Variants in WDR86 observed in about 807,000 individuals in gnomAD.
The protein encoded by WDR86 is WD repeat-containing protein 86.
A neutral mutation model predicts 36.5 loss-of-function variants in WDR86; 30 were observed. That is an observed-to-expected ratio of 0.82 (90% CI 0.61 to 1.11). The LOEUF is 1.11. Among genes scored for constraint, WDR86 ranks in the 50% most tolerant of loss-of-function variants. The pLI, the probability that WDR86 is intolerant of heterozygous loss-of-function variation, is 0.00. For missense variants in WDR86, 545 were observed against 561.2 expected (o/e 0.97, Z 0.29); for synonymous variants, 255 against 252.9 (o/e 1.01, Z -0.08).
At chr7:151,407,670 G>A (rs556454732) in intron 1 of WDR86, among the ~76,000 whole-genome samples, 19 of 152,156 alleles carry the variant, frequency 1.2e-4, no homozygotes, top group Admixed American at 9.8e-4. Flanking sequence ...GAAGCCCCAC[G>A]TCTAATAAAA....
At chr7:151,379,901 C>T (rs1051673030), downstream of WDR86, among the ~76,000 whole-genome samples, 5 of 152,198 alleles carry the variant, frequency 3.3e-5, no homozygotes, top group African/African-American at 1.2e-4. Flanking sequence ...AGGCTCAGGG[C>T]CGGCCGGCAG....
intron 3 of WDR86, 97 bp from the exon 4 acceptor site, chr7:151,385,320 A>G: frequency 6.4e-7 from 1 of 1,550,868 alleles, no homozygotes; most frequent in Non-Finnish European, 8.7e-7. Context: ...TGCAGGTCTC[A>G]GTGGTGAAAC....
intron 1 of WDR86, among the ~76,000 whole-genome samples, chr7:151,407,268 G>T (rs868269532): frequency 6.6e-6 from 1 of 152,210 alleles, no homozygotes; most frequent in African/African-American, 2.4e-5. Flanking sequence ...ACAAGCAGCC[G>T]TGAGGGTCAC....
intron 3 of WDR86, among the ~76,000 whole-genome samples, chr7:151,386,322 C>G (rs1798977759): frequency 6.6e-6 from 1 of 152,236 alleles, no homozygotes; most frequent in East Asian, 1.9e-4. Flanking sequence ...ACCCGGGCCA[C>G]AGCCCAGGTC....
chr7:151,381,910 G>A lies in WDR86; in HGVS notation c.934C>T (p.Arg312Trp). ...CAGTTGATGATGAATGTGTGGCCCC[G>A]GAACACCCTCCGCAGCTCTCCAGAC... ...AQSGELRRVF[R>W]GHTFIINCIQ... The change falls in exon 5 of 6, where the codon CGG becomes TGG. Residue 312 changes from arginine (R) to tryptophan (W), a missense_variant. Coordinates refer to ENST00000334493, the MANE Select transcript of WDR86 (RefSeq NM_198285.3). This position sits in a 1 kb window ranked among gnomAD's most constrained non-coding sequence, Gnocchi z 4.8. The A allele has an allele frequency of 6.2e-7, 1 of 1,610,400 alleles. No homozygotes were observed. Among genetic ancestry groups the A allele is most frequent in the Non-Finnish European group, 8.5e-7 (1 of 1,178,772 alleles).
In WDR86 at chr7:151,391,241, G is replaced by A. The variant is rs79541318; in HGVS notation, c.726+4535C>T. Among the ~76,000 whole-genome samples, 1,293 of 152,324 alleles carry A rather than the reference G, an allele frequency of 8.5e-3. 18 individuals carry two copies. The highest frequency in any genetic ancestry group is 0.03 in the African/African-American group (1,234 of 41,580). On this transcript the variant is annotated intron_variant, in intron 3 of 5. Transcript: ENST00000334493. ...CGGGGCCCAGCGAGGGCTAGGGGAC[G>A]CCATACCCAGAAGTCCTGCTTCCCG... is the stretch of plus-strand genomic sequence containing the variant.
At chr7:151,404,573 C>T (rs1800575662) in intron 1 of WDR86, among the ~76,000 whole-genome samples, 2 of 152,342 alleles carry the variant, frequency 1.3e-5, no homozygotes, top group African/African-American at 2.4e-5. Flanking sequence ...CCACCCCAAC[C>T]CCGAGGACCC....
chr7:151,376,986 G>GT (rs1563034317), downstream of WDR86: 1 of 1,445,904 alleles, frequency 6.9e-7, no homozygotes, highest in African/African-American at 1.4e-5. Context: ...GACTGTGGTC[G>GT]TGCAGTGTCC....
chr7:151,377,343 G>C (rs1584982306), downstream of WDR86: 1 of 685,454 alleles, frequency 1.5e-6, no homozygotes, highest in East Asian at 3.2e-5. Context: ...TTGGGTGTAG[G>C]AGGGGGTGGG....
At chr7:151,399,062 C>CT (rs1800096690) in intron 2 of WDR86, among the ~76,000 whole-genome samples, 1 of 152,202 alleles carries the variant, frequency 6.6e-6, no homozygotes, top group Admixed American at 6.5e-5. Flanking sequence ...GTCTCAGGGC[C>CT]TCACCTGCTT....
downstream of WDR86, chr7:151,376,541 A>T (rs1299025065): frequency 1.6e-6 from 2 of 1,255,188 alleles, no homozygotes; most frequent in Non-Finnish European, 2.2e-6. Context: ...GGGAGCTCTT[A>T]AACATGAGAG....
At chr7:151,387,727 C>T (rs1460881682) in intron 3 of WDR86, among the ~76,000 whole-genome samples, 1 of 152,186 alleles carries the variant, frequency 6.6e-6, no homozygotes, top group African/African-American at 2.4e-5. Context: ...GCCTGGCAGG[C>T]TCCAGAGCAG....
Position 151,409,988 on chromosome 7 carries a change from G to T in WDR86, c.-399C>A, listed in dbSNP as rs1486043009. 9.9e-7 allele frequency: 1 copy of T among 1,005,310 alleles called. No individual in the cohort carries two copies. Among genetic ancestry groups the T allele is most frequent in the Non-Finnish European group, 1.2e-6 (1 of 843,620 alleles). 62.3% of individuals were successfully genotyped at this position (1,005,310 alleles called of 1,614,324 possible). A position where few individuals can be genotyped will look rare whatever the true frequency, so the allele number is the denominator to read the frequency against. ...GGGGCTGGGGCGGGGAGAGGAACAC[G>T]GGAAGCCGAGCGCCCCGCGCCCTCC... is the stretch of plus-strand genomic sequence containing the variant. On this transcript the variant is annotated 5_prime_UTR_variant, in exon 1 of 6. Transcript: ENST00000334493. The surrounding 1 kb of genome is among the most constrained non-coding windows in gnomAD (Gnocchi z 5.2).
At chr7:151,395,531 ACAC>A (rs1799755017) in intron 3 of WDR86, among the ~76,000 whole-genome samples, 1 of 150,974 alleles carries the variant, frequency 6.6e-6, no homozygotes, top group African/African-American at 2.5e-5. Flanking sequence ...ACACACACAC[ACAC>A]ACACGAGGAC....
downstream of WDR86, chr7:151,377,300 G>T: frequency 3.5e-5 from 30 of 865,162 alleles, no homozygotes; most frequent in Non-Finnish European, 4.2e-5. Context: ...AGCTCTTTCT[G>T]TTCTTACTTT....
intron 3 of WDR86, chr7:151,385,433 C>G (rs1246613997): frequency 1.2e-6 from 1 of 830,320 alleles, no homozygotes; most frequent in East Asian, 2.7e-5. Context: ...AGCCAGTGCT[C>G]CAACAGGGCT....
downstream of WDR86, among the ~76,000 whole-genome samples, chr7:151,372,100 A>G (rs529983372): frequency 3.3e-5 from 5 of 152,356 alleles, no homozygotes; most frequent in African/African-American, 1.2e-4. Context: ...ACAGCTGTAG[A>G]AACGGAGCTC....
chr7:151,374,031 C>A, downstream of WDR86: 1 of 1,479,208 alleles, frequency 6.8e-7, no homozygotes, highest in Non-Finnish European at 9.1e-7. Flanking sequence ...TCCTGCAGAG[C>A]GCAGACTGAG....
downstream of WDR86, chr7:151,376,562 A>T: frequency 7.1e-7 from 1 of 1,411,056 alleles, no homozygotes; most frequent in Non-Finnish European, 9.6e-7. Context: ...TCGGCTGTCC[A>T]CTCGTATGGC....
Sources: allele counts gnomAD v4.1 joint callset (sites outside exome capture counted in the v4.1 genomes callset), GRCh38; gene constraint gnomAD v4.1.1; non-coding constraint Gnocchi (gnomAD v3.1); transcripts MANE v1.5; gene names NCBI Gene and HGNC (gene_info 2026-07-23, HGNC 2026-07-21).